The following ZNF257 variants were observed in gnomAD, a reference collection of about 807,000 sequenced individuals.
ZNF257 encodes zinc finger protein 257, also known as bone marrow zinc finger 4.
Under a neutral mutation model 11.9 loss-of-function variants are expected in ZNF257, and 12 were observed. The ratio of observed to expected loss-of-function variants is 1.01; its 90% CI spans 0.65 to 1.63. The LOEUF (loss-of-function observed/expected upper bound fraction) is 1.63, where lower values mean the gene tolerates loss of function less well. Among genes scored for constraint, ZNF257 ranks in the 40% most tolerant of loss-of-function variants. ZNF257 has a pLI of 0.00. For synonymous variants in ZNF257, 183 were observed against 222.7 expected (o/e 0.82, Z 1.59); for missense variants, 580 against 665.5 (o/e 0.87, Z 1.41).
chr19:22,088,474 T>G lies in ZNF257; in HGVS notation c.724T>G (p.Ser242Ala). The change falls in exon 4 of 4, where the codon TCA (serine) becomes GCA (alanine). Residue 242 changes from serine to alanine, a missense_variant. Physicochemically the swap from Ser to Ala is moderately conservative, Grantham distance 99 (BLOSUM62 1). Coordinates refer to ENST00000594947, the MANE Select transcript of ZNF257 (RefSeq NM_033468.4). Reference protein sequence around the residue: ...EECGKAFNRSSHLTQHKVIHT... With the variant: ...EECGKAFNRSAHLTQHKVIHT... ...GTGTGGAAAAGCTTTTAACCGGTCTTCACACCTTACTCAACATAAGGTAAT... is the reference window on the plus strand; with the variant it reads ...GTGTGGAAAAGCTTTTAACCGGTCTGCACACCTTACTCAACATAAGGTAAT... 1 of 1,612,048 alleles carries G rather than the reference T, an allele frequency of 6.2e-7. No individual in the cohort carries two copies. The highest frequency in any genetic ancestry group is 2.2e-5 in the East Asian group (1 of 44,702).
chr19:22,072,501 CAAAA>C (rs1392024172), intron 1 of ZNF257, among the ~76,000 whole-genome samples: 2 of 149,832 alleles, frequency 1.3e-5, no homozygotes, highest in African/African-American at 5.1e-5. Flanking sequence ...CAAAACAAAA[CAAAA>C]AAAATTCAGA....
intron 1 of ZNF257, among the ~76,000 whole-genome samples, chr19:22,065,286 G>A (rs10415930): frequency 0.24 from 35,992 of 151,360 alleles, 5,807 homozygotes; most frequent in African/African-American, 0.46. Context: ...CACAACCTCT[G>A]CTTCCCAGGT....
At position 22,088,480 on chromosome 19, in the gene ZNF257, C is replaced by G. The variant is rs1183367699; in HGVS notation, c.730C>G (p.Leu244Val). The change falls in exon 4 of 4, where the codon CTT becomes GTT. Residue 244 changes from leucine (L) to valine (V), a missense_variant. By Grantham distance (32) the Leu-to-Val change is conservative. Coordinates refer to ENST00000594947, the MANE Select transcript of ZNF257 (RefSeq NM_033468.4). Reference sequence around the variant, plus strand: ...AAAAGCTTTTAACCGGTCTTCACACCTTACTCAACATAAGGTAATTCATAC... The same window carrying G: ...AAAAGCTTTTAACCGGTCTTCACACGTTACTCAACATAAGGTAATTCATAC... ...CGKAFNRSSH[L>V]TQHKVIHTRE... 1 of 1,611,786 alleles carries G rather than the reference C, an allele frequency of 6.2e-7. No individual in the cohort carries two copies. Among genetic ancestry groups the G allele is most frequent in the East Asian group, 2.2e-5 (1 of 44,712 alleles).
chr19:22,069,830 A>G (rs988414089), intron 1 of ZNF257, among the ~76,000 whole-genome samples: 4 of 152,134 alleles, frequency 2.6e-5, no homozygotes, highest in Non-Finnish European at 5.9e-5. Context: ...AGTAGCTAAA[A>G]AAGATTAAAG....
At chr19:22,070,883 T>G (rs527344669) in intron 1 of ZNF257, among the ~76,000 whole-genome samples, 2 of 152,298 alleles carry the variant, frequency 1.3e-5, no homozygotes, top group African/African-American at 4.8e-5. Context: ...TCATTAAAGC[T>G]TGAGATTAAA....
At chr19:22,069,340 C>T (rs986460340) in intron 1 of ZNF257, among the ~76,000 whole-genome samples, 2 of 152,104 alleles carry the variant, frequency 1.3e-5, no homozygotes, top group South Asian at 2.1e-4. Flanking sequence ...TTAGGCCGGG[C>T]GTGGTGGCTT....
intron 1 of ZNF257, among the ~76,000 whole-genome samples, chr19:22,067,709 C>T (rs1879782888): frequency 6.6e-6 from 1 of 151,890 alleles, no homozygotes; most frequent in African/African-American, 2.4e-5. Context: ...GTGGTGGGCG[C>T]CTGTAATCCC....
In ZNF257 at chr19:22,081,837, G is replaced by A. The variant is rs2022366506; in HGVS notation, c.227-6140G>A. 3.9e-5 allele frequency among the ~76,000 whole-genome samples: 6 copies of A among 152,090 alleles called. No homozygotes were observed. In the South Asian group the frequency reaches 1.2e-3, roughly 31 times the overall value. On this transcript the variant is annotated intron_variant, in intron 3 of 3. Coordinates refer to ENST00000594947, the MANE Select transcript of ZNF257 (RefSeq NM_033468.4). ...AAAAATTAAATAGTTTAATTAATTT[G>A]TATTTAAAATAATTGCTTGAAGAAA...
chr19:22,069,243 C>G (rs1017147184), intron 1 of ZNF257, among the ~76,000 whole-genome samples: 4 of 152,086 alleles, frequency 2.6e-5, no homozygotes, highest in African/African-American at 9.7e-5. Flanking sequence ...AATTAAGCAT[C>G]ATATGGTTGA....
At chr19:22,053,477 A>C (rs1971749697) in intron 1 of ZNF257, among the ~76,000 whole-genome samples, 1 of 152,224 alleles carries the variant, frequency 6.6e-6, no homozygotes, top group Non-Finnish European at 1.5e-5. Context: ...TGAGATAAAG[A>C]AAACCAAATT....
intron 1 of ZNF257, among the ~76,000 whole-genome samples, chr19:22,068,739 T>C (rs1402799085): frequency 6.6e-6 from 1 of 152,178 alleles, no homozygotes; most frequent in African/African-American, 2.4e-5. Flanking sequence ...TAAAATGTGA[T>C]ACTGGAGTAG....
At chr19:22,078,585 T>C (rs1353734406) in intron 3 of ZNF257, among the ~76,000 whole-genome samples, 1 of 152,104 alleles carries the variant, frequency 6.6e-6, no homozygotes, top group Non-Finnish European at 1.5e-5. Context: ...TGCAGTTAAA[T>C]TTTTCTGTTA....
Position 22,073,499 on chromosome 19 carries a change from C to T in ZNF257, c.161C>T (p.Thr54Ile). 6.2e-7 allele frequency: 1 copy of T among 1,611,894 alleles called. No individual in the cohort carries two copies. The highest frequency in any genetic ancestry group is 8.5e-7 in the Non-Finnish European group (1 of 1,179,150). ...GCTGTCTCTAAGCCAGACCTGATCA[C>T]CTGTCTGGAGCAAGGAAAAGAGCCC... Reference protein sequence around the residue: ...GIAVSKPDLITCLEQGKEPCN... With the variant: ...GIAVSKPDLIICLEQGKEPCN... The change falls in exon 3 of 4, where the codon ACC becomes ATC. Residue 54 changes from threonine to isoleucine, a missense_variant. By Grantham distance (89) the Thr-to-Ile change is moderately conservative. Coordinates refer to ENST00000594947, the MANE Select transcript of ZNF257 (RefSeq NM_033468.4).
intron 1 of ZNF257, among the ~76,000 whole-genome samples, chr19:22,056,680 A>T (rs760333372): frequency 6.6e-6 from 1 of 151,440 alleles, no homozygotes; most frequent in African/African-American, 2.4e-5. Flanking sequence ...GGGTTTCACC[A>T]TGTTAGCCAG....
intron 3 of ZNF257, among the ~76,000 whole-genome samples, chr19:22,084,944 G>C (rs2022442715): frequency 6.6e-6 from 1 of 151,902 alleles, no homozygotes; most frequent in South Asian, 2.1e-4. Flanking sequence ...GGCCAGGCTG[G>C]TTTCAAACTC....
At chr19:22,064,346 G>A (rs944067581) in intron 1 of ZNF257, 1 of 152,130 alleles carries the variant, frequency 6.6e-6, no homozygotes, top group Non-Finnish European at 1.5e-5. Context: ...TAAACCTTTT[G>A]TCATTATTTT....
intron 1 of ZNF257, among the ~76,000 whole-genome samples, chr19:22,071,957 T>G (rs1157599642): frequency 6.6e-6 from 1 of 152,182 alleles, no homozygotes; most frequent in Non-Finnish European, 1.5e-5. Flanking sequence ...AGGAAATACT[T>G]GCTCTCTAGG....
chr19:22,072,326 C>T (rs930340791), intron 1 of ZNF257, among the ~76,000 whole-genome samples: 3 of 152,080 alleles, frequency 2.0e-5, no homozygotes, highest in Non-Finnish European at 2.9e-5. Context: ...GTTTTATTTG[C>T]ATATATCTGT....
At chr19:22,056,625 G>C (rs978704489) in intron 1 of ZNF257, among the ~76,000 whole-genome samples, 1 of 151,698 alleles carries the variant, frequency 6.6e-6, no homozygotes, top group Non-Finnish European at 1.5e-5. Context: ...ACAGGCACCC[G>C]CTACCATGTC....
Sources: allele counts gnomAD v4.1 joint callset (sites outside exome capture counted in the v4.1 genomes callset), GRCh38; gene constraint gnomAD v4.1.1; transcripts MANE v1.5; gene names NCBI Gene and HGNC (gene_info 2026-07-23, HGNC 2026-07-21).